The following TRPM2 variants were observed in gnomAD, a reference collection of about 807,000 sequenced individuals.
TRPM2 encodes the protein transient receptor potential cation channel subfamily M member 2, also known as estrogen-responsive element-associated gene 1 protein.
In TRPM2, 161 loss-of-function variants were observed where a neutral mutation model predicts 174.0. That is an observed-to-expected ratio of 0.93 (90% confidence interval 0.81 to 1.05). The LOEUF (loss-of-function observed/expected upper bound fraction) is 1.05. Among genes scored for constraint, TRPM2 ranks in the 50% least tolerant of loss-of-function variants. The pLI is 0.00. For missense variants in TRPM2, 2,057 were observed against 2,038.0 expected, an observed-to-expected ratio of 1.01 and a Z score of -0.18; for synonymous variants, 954 against 861.3, an observed-to-expected ratio of 1.11 and a Z score of -1.88.
intron 8 of TRPM2, among the ~76,000 whole-genome samples, chr21:44,380,273 C>T (rs755422921): frequency 5.3e-5 from 8 of 152,236 alleles, no homozygotes; most frequent in East Asian, 1.9e-4. Context: ...CGTTTTTGTC[C>T]GGCAGGAGAA....
At chr21:44,377,454 G>A (rs2048739335) in intron 6 of TRPM2, among the ~76,000 whole-genome samples, 2 of 152,324 alleles carry the variant, frequency 1.3e-5, no homozygotes, top group Admixed American at 1.3e-4. Flanking sequence ...TCATTGATGT[G>A]GAACAGGCAG....
In TRPM2 at chr21:44,436,515, G is replaced by A. The variant is rs7278129; in HGVS notation, c.4062-547G>A. Among the ~76,000 whole-genome samples, 15 of 128,310 alleles carry A rather than the reference G, an allele frequency of 1.2e-4. No homozygotes were observed. In the South Asian group the frequency reaches 3.6e-3, roughly 31 times the overall value. The allele number at this position is 128,310 out of a possible 152,430, so 84.2% of individuals were successfully genotyped here. A position where few individuals can be genotyped will look rare whatever the true frequency, so the allele number is the denominator to read the frequency against. ...CCACGTCACCCCCACGTCACCCCCG[G>A]GCTGCACTCTGCACCCCATGTGACC... is the stretch of plus-strand genomic sequence containing the variant. On this transcript the variant is annotated intron_variant, in intron 28 of 31. Coordinates refer to ENST00000397928, the MANE Select transcript of TRPM2 (RefSeq NM_003307.4).
intron 13 of TRPM2, 110 bp downstream of exon 13, chr21:44,397,986 G>A (rs369752278): frequency 5.2e-5 from 69 of 1,315,536 alleles, no homozygotes; most frequent in Admixed American, 1.6e-4. Flanking sequence ...TGGGGTCCTC[G>A]TCCCTGGGCC....
At chr21:44,353,032 C>T (rs1444404466), upstream of TRPM2, among the ~76,000 whole-genome samples, 1 of 152,116 alleles carries the variant, frequency 6.6e-6, no homozygotes, top group East Asian at 1.9e-4. Flanking sequence ...GATTGGCGCC[C>T]ATAATCCCAG....
At position 44,418,006 on chromosome 21, in the gene TRPM2, GGCCGCCCC is replaced by G; in HGVS notation, c.3232_3239del (p.Pro1078AlafsTer74). On this transcript the variant is annotated frameshift_variant, in exon 21 of 32. Transcript: ENST00000397928. LOFTEE classifies it high-confidence loss of function. ...CCATGACCTGATCGAGGAGTACCAC[GGCCGCCCC>G]GCCGCGCCGCCCCCCTTCATCCTCC... 7 of 1,612,922 alleles carry G rather than the reference GGCCGCCCC, an allele frequency of 4.3e-6. No individual in the cohort carries two copies. The highest frequency in any genetic ancestry group is 1.7e-5 in the Admixed American group (1 of 60,024).
intron 31 of TRPM2, among the ~76,000 whole-genome samples, chr21:44,441,164 C>T (rs1340487726): frequency 1.3e-5 from 2 of 152,166 alleles, no homozygotes; most frequent in African/African-American, 4.8e-5. Flanking sequence ...CAGAGTCTTG[C>T]CCAGAAAGTG....
intron 27 of TRPM2, 47 bp downstream of exon 27, chr21:44,427,158 G>T (rs780112801): frequency 2.5e-5 from 37 of 1,474,318 alleles, no homozygotes; most frequent in Non-Finnish European, 3.3e-5. Flanking sequence ...TTTGGGGTTT[G>T]CCTGGGGGGC....
intron 9 of TRPM2, among the ~76,000 whole-genome samples, chr21:44,385,578 G>T (rs1490817852): frequency 1.1e-4 from 17 of 152,170 alleles, no homozygotes; most frequent in African/African-American, 3.9e-4. Context: ...CTTATAAATT[G>T]GGAAGGAAGA....
intron 8 of TRPM2, among the ~76,000 whole-genome samples, chr21:44,380,840 T>C (rs536873324): frequency 1.3e-5 from 2 of 152,210 alleles, no homozygotes; most frequent in Non-Finnish European, 2.9e-5. Context: ...GTAGGGGTAC[T>C]GAGTGCTCGA....
rs1436383472 is a variant in TRPM2, at chr21:44,369,309, C to A, written c.737C>A (p.Thr246Asn). The A allele has an allele frequency of 8.1e-6, 13 of 1,613,282 alleles. No homozygotes were observed. Among genetic ancestry groups the A allele is most frequent in the Non-Finnish European group, 1.1e-5 (13 of 1,179,734 alleles). The change falls in exon 5 of 32, where the codon ACT (threonine) becomes AAT (asparagine). Residue 246 changes from threonine (T) to asparagine (N), a missense_variant. Physicochemically the swap from Thr to Asn is moderately conservative, Grantham distance 65. Coordinates refer to ENST00000397928, the MANE Select transcript of TRPM2 (RefSeq NM_003307.4). ...ACCATCGGAGTCGCCACCTGGGGCA[C>A]TGTCCACCGCCGCGAGGGCCTGATC... is the stretch of plus-strand genomic sequence containing the variant. ...LITIGVATWG[T>N]VHRREGLIHP...
chr21:44,354,703 A>G lies in TRPM2; in HGVS notation c.221A>G (p.Tyr74Cys), dbSNP rs2048006604. 1.9e-6 allele frequency: 3 copies of G among 1,614,210 alleles called. No homozygotes were observed. The highest frequency in any genetic ancestry group is 2.2e-5 in the East Asian group (1 of 44,880). The change falls in exon 2 of 32, where the codon TAT becomes TGT. Residue 74 changes from tyrosine to cysteine, a missense_variant. Transcript: ENST00000397928. The surrounding 1 kb of genome is among the most constrained non-coding windows in gnomAD (Gnocchi z 4.3). ...PENIKKKECV[Y>C]FVESSKLSDA... is the part of the protein sequence containing the mutation. ...AACATCAAGAAGAAAGAATGCGTGT[A>G]TTTTGTGGAAAGTTCCAAACTGTCT... is the stretch of plus-strand genomic sequence containing the variant.
Position 44,435,153 on chromosome 21 carries a change from C to G in TRPM2, c.3997C>G (p.Leu1333Val), listed in dbSNP as rs779165269. Residue 1333 changes from leucine (L) to valine (V), a missense_variant, in exon 28 of 32, where the codon CTG becomes GTG. Transcript: ENST00000397928. ...CAGGAACCCCATGGGCCGCACAGGA[C>G]TGCGTGGGCGCGGGAGCCTCAGCTG... ...LPLNPMGRTGLRGRGSLSCFG... is the reference protein window; with the variant it reads ...LPLNPMGRTGVRGRGSLSCFG... 6.2e-7 allele frequency: 1 copy of G among 1,613,454 alleles called. No homozygotes were observed. The highest frequency in any genetic ancestry group is 8.5e-7 in the Non-Finnish European group (1 of 1,179,568).
rs865905131 is a variant in TRPM2, at chr21:44,410,531, G to A, written c.2963-3360G>A. Among the ~76,000 whole-genome samples the A allele has an allele frequency of 3.2e-5, 2 of 61,562 alleles. 1 individual carries two copies. The highest frequency in any genetic ancestry group is 8.0e-5 in the Non-Finnish European group (2 of 25,038). 40.4% of individuals were successfully genotyped at this position (61,562 alleles called of 152,430 possible). The stretch of plus-strand genomic sequence containing the variant: ...CGTAGACTTGTAGTAAGTTTTGACC[G>A]CACTGTCTTGGCGTAGCCTTGTAGT... On this transcript the variant is annotated intron_variant, in intron 19 of 31. Transcript: ENST00000397928.
At position 44,397,865 on chromosome 21, in the gene TRPM2, A is replaced by T; in HGVS notation, c.2051A>T (p.His684Leu). The T allele has an allele frequency of 6.2e-7, 1 of 1,604,334 alleles. No individual in the cohort carries two copies. Among genetic ancestry groups the T allele is most frequent in the South Asian group, 1.1e-5 (1 of 89,246 alleles). ...CTGGCGCTGGCGGAGGAGTATGAGCACAGAGCCATCGGTGAGCTCTGCCGG... is the reference window on the plus strand; with the variant it reads ...CTGGCGCTGGCGGAGGAGTATGAGCTCAGAGCCATCGGTGAGCTCTGCCGG... ...EMLALAEEYE[H>L]RAIGVFTECY... Residue 684 changes from histidine (H) to leucine (L), a missense_variant, in exon 13 of 32, where the codon CAC becomes CTC. By Grantham distance (99) the His-to-Leu change is moderately conservative. Coordinates refer to ENST00000397928, the MANE Select transcript of TRPM2 (RefSeq NM_003307.4).
intron 22 of TRPM2, among the ~76,000 whole-genome samples, chr21:44,421,929 G>A (rs577581640): frequency 5.3e-5 from 8 of 152,256 alleles, no homozygotes; most frequent in African/African-American, 1.9e-4. Context: ...ATGCATATTT[G>A]TATGTGAGTA....
chr21:44,356,241 T>A (rs1415462019), intron 2 of TRPM2, among the ~76,000 whole-genome samples: 9 of 150,596 alleles, frequency 6.0e-5, no homozygotes, highest in Non-Finnish European at 1.5e-5. Context: ...TGGCTGAATC[T>A]GCAGATGCAA....
At chr21:44,435,094 G>T (rs1247531243) in intron 27 of TRPM2, 37 bp from the exon 28 acceptor site, 1 of 1,594,872 alleles carries the variant, frequency 6.3e-7, no homozygotes, top group African/African-American at 1.3e-5. Flanking sequence ...TCCCCCATTG[G>T]TGGACGGTGG....
At chr21:44,400,156 A>T in intron 14 of TRPM2, 103 bp from the exon 15 acceptor site, 2 of 909,932 alleles carry the variant, frequency 2.2e-6, no homozygotes, top group Non-Finnish European at 3.4e-6. Context: ...ACTGCAGGCT[A>T]GCTCTGTCCA....
Position 44,354,565 on chromosome 21 carries a change from C to T in TRPM2, c.166-83C>T, listed in dbSNP as rs2048001706. 5 of 1,243,490 alleles carry T rather than the reference C, an allele frequency of 4.0e-6. No individual in the cohort carries two copies. In the Admixed American group the frequency reaches 6.9e-5, roughly 17 times the overall value. 77.0% of individuals were successfully genotyped at this position (1,243,490 alleles called of 1,614,324 possible). On this transcript the variant is annotated intron_variant, in intron 1 of 31. Transcript: ENST00000397928. The surrounding 1 kb of genome is among the most constrained non-coding windows in gnomAD (Gnocchi z 4.3). The stretch of plus-strand genomic sequence containing the variant: ...TCAAGCAAATAGTGTGAAAGCTCCT[C>T]AAGGAGCTCAGATGTGTCTCCAGGG...
Sources: allele counts gnomAD v4.1 joint callset (sites outside exome capture counted in the v4.1 genomes callset), GRCh38; gene constraint gnomAD v4.1.1; non-coding constraint Gnocchi (gnomAD v3.1); transcripts MANE v1.5; gene names NCBI Gene and HGNC (gene_info 2026-07-23, HGNC 2026-07-21).